TNS2: variants seen among roughly 807,000 people sequenced by gnomAD.
TNS2 encodes the protein tensin 2.
In TNS2, 77 loss-of-function variants were observed where a neutral mutation model predicts 155.7. That is an observed-to-expected ratio of 0.49 (90% CI 0.41 to 0.60). TNS2 has a LOEUF of 0.60. Among genes scored for constraint, TNS2 ranks in the 20% least tolerant of loss-of-function variants. The probability of loss-of-function intolerance (pLI) is 0.00; values close to 1 mark genes in which losing one functional copy is unlikely to be tolerated. For missense variants in TNS2, 1,703 were observed against 1,868.8 expected (o/e 0.91, Z 1.64); for synonymous variants, 726 against 763.9 (o/e 0.95, Z 0.82).
rs566978696 is a variant in TNS2, at chr12:53,060,334, G to A, written c.2618-71G>A. On this transcript the variant is annotated intron_variant, in intron 18 of 28. Coordinates refer to ENST00000314250, the MANE Select transcript of TNS2 (RefSeq NM_170754.4). This position sits in a 1 kb window ranked among gnomAD's most constrained non-coding sequence, Gnocchi z 6.1. ...ATGGTGGGGAAGTCAAGGGGGAACA[G>A]GGTGAGAAACAGCTAAGCCAGACAG... 3 of 1,573,134 alleles carry A rather than the reference G, an allele frequency of 1.9e-6. No individual in the cohort carries two copies. The East Asian group carries it at 6.8e-5, about 36-fold the overall frequency.
chr12:53,049,413 G>C (rs899427825), upstream of TNS2, among the ~76,000 whole-genome samples: 2 of 152,128 alleles, frequency 1.3e-5, no homozygotes, highest in Non-Finnish European at 2.9e-5. Context: ...AGAAACCTGG[G>C]GGCTTTCAGG....
chr12:53,054,525 G>A (rs1367229669), intron 7 of TNS2, 84 bp downstream of exon 7: 3 of 1,421,506 alleles, frequency 2.1e-6, no homozygotes, highest in East Asian at 2.6e-5. Flanking sequence ...CGTCACCAGC[G>A]GAGGCGAGGC....
chr12:53,061,644 A>G (rs1274353844), intron 21 of TNS2, 171 bp from the exon 22 acceptor site: 13 of 1,364,752 alleles, frequency 9.5e-6, no homozygotes, highest in South Asian at 4.2e-5. Flanking sequence ...GTGAGATCCA[A>G]CATGGTCAAA....
chr12:53,058,190 T>G lies in TNS2; in HGVS notation c.1095+88T>G, dbSNP rs767334312. Reference sequence around the variant, plus strand: ...GCACAGTCACCAATTTGAGACAGATTGGAGAGCGAGTAGGGAGATCACCTT... The same window carrying G: ...GCACAGTCACCAATTTGAGACAGATGGGAGAGCGAGTAGGGAGATCACCTT... On this transcript the variant is annotated intron_variant, in intron 14 of 28. Transcript: ENST00000314250. 8.3e-5 allele frequency: 134 copies of G among 1,609,624 alleles called. 1 individual carries two copies. The highest frequency in any genetic ancestry group is 7.1e-4 in the South Asian group (64 of 90,644).
At position 53,058,299 on chromosome 12, in the gene TNS2, T is replaced by C. The variant is rs1365500507; in HGVS notation, c.1096-17T>C. The C allele has an allele frequency of 1.9e-6, 3 of 1,613,588 alleles. No individual in the cohort carries two copies. The highest frequency in any genetic ancestry group is 2.7e-5 in the African/African-American group (2 of 74,918). On this transcript the variant is annotated splice_polypyrimidine_tract_variant and intron_variant, in intron 14 of 28. Transcript: ENST00000314250. ...AGGACATGAGGCCTGATCCGCAGCC[T>C]CCTGCCTTTCTCCCAGGTAACATGT... is the stretch of plus-strand genomic sequence containing the variant.
rs1332295970 is a variant in TNS2, at chr12:53,056,221, G to C, written c.761+376G>C. ...ATAAAAATATAAAAATTAGCCGGGCGTGGTGGTGGGCGCCTGTAATCCCAG... is the reference window on the plus strand; with the variant it reads ...ATAAAAATATAAAAATTAGCCGGGCCTGGTGGTGGGCGCCTGTAATCCCAG... On this transcript the variant is annotated intron_variant, in intron 10 of 28. Transcript: ENST00000314250. 3 of 171,176 alleles carry C rather than the reference G, an allele frequency of 1.8e-5. No homozygotes were observed. The Admixed American group carries it at 1.8e-4, about 10-fold the overall frequency. 10.6% of individuals were successfully genotyped at this position (171,176 alleles called of 1,614,324 possible).
chr12:53,058,995 TC>T, intron 17 of TNS2, 51 bp from the exon 18 acceptor site: 1 of 1,537,176 alleles, frequency 6.5e-7, no homozygotes, highest in South Asian at 1.2e-5. Context: ...ATTTTCTCTC[TC>T]CCTCCCTGTT....
rs1390429155 is a variant in TNS2, at chr12:53,058,606, T to C, written c.1260T>C (p.Phe420=). The C allele has an allele frequency of 2.5e-6, 4 of 1,614,034 alleles. No individual in the cohort carries two copies. The highest frequency in any genetic ancestry group is 3.4e-6 in the Non-Finnish European group (4 of 1,179,970). Reference sequence around the variant, plus strand: ...TCCCCTTCCAAGCCTCCGTGGAGTTTGTCTTCTCCTCCAGCCCCGAGAAGA... The same window carrying C: ...TCCCCTTCCAAGCCTCCGTGGAGTTCGTCTTCTCCTCCAGCCCCGAGAAGA... The part of the protein sequence containing the change: ...ERFPFQASVE[F]VFSSSPEKIK... The change falls in exon 16 of 29, where the codon TTT becomes TTC. Residue 420 remains phenylalanine (F), a synonymous_variant. Coordinates refer to ENST00000314250, the MANE Select transcript of TNS2 (RefSeq NM_170754.4).
chr12:53,055,537 G>A lies in TNS2; in HGVS notation c.574-31G>A, dbSNP rs7315980. ...CCATCTCTCTCTGTTGGTGGCCCCCGGCCCCAGTTGCACCCCTGCATTCTC... is the reference window on the plus strand; with the variant it reads ...CCATCTCTCTCTGTTGGTGGCCCCCAGCCCCAGTTGCACCCCTGCATTCTC... On this transcript the variant is annotated intron_variant, in intron 8 of 28. Coordinates refer to ENST00000314250, the MANE Select transcript of TNS2 (RefSeq NM_170754.4). The A allele has an allele frequency of 0.09, 141,162 of 1,572,572 alleles. 6,960 individuals are homozygous for A. The highest frequency in any genetic ancestry group is 0.16 in the African/African-American group (11,739 of 74,214).
At chr12:53,053,090 C>T in intron 3 of TNS2, 1 of 400,244 alleles carries the variant, frequency 2.5e-6, no homozygotes, top group East Asian at 5.8e-5. Context: ...GGCGGGGTCT[C>T]CCGGTGAAAG....
intron 17 of TNS2, 59 bp from the exon 18 acceptor site, chr12:53,058,988 T>C: frequency 6.5e-7 from 1 of 1,538,534 alleles, no homozygotes; most frequent in Non-Finnish European, 8.7e-7. Context: ...CTCATGAATT[T>C]TCTCTCTCCC....
At position 53,063,956 on chromosome 12, in the gene TNS2, G is replaced by A. The variant is rs552143278; in HGVS notation, c.*74G>A. The A allele has an allele frequency of 3.2e-6, 5 of 1,551,616 alleles. No homozygotes were observed. In the African/African-American group the frequency reaches 6.8e-5, roughly 21 times the overall value. Reference sequence around the variant, plus strand: ...CACCCCACAGCCCTCACATCCCCTGGCCTGGACCCAGGAGACCCAGGAGAA... The same window carrying A: ...CACCCCACAGCCCTCACATCCCCTGACCTGGACCCAGGAGACCCAGGAGAA... On this transcript the variant is annotated 3_prime_UTR_variant, in exon 29 of 29. Transcript: ENST00000314250. This position sits in a 1 kb window ranked among gnomAD's most constrained non-coding sequence, Gnocchi z 5.6.
Position 53,064,099 on chromosome 12 carries a change from G to C in TNS2, c.*217G>C, listed in dbSNP as rs1944470938. 5 of 569,626 alleles carry C rather than the reference G, an allele frequency of 8.8e-6. No individual in the cohort carries two copies. The Admixed American group carries it at 1.6e-4, about 18-fold the overall frequency. 35.3% of individuals were successfully genotyped at this position (569,626 alleles called of 1,614,324 possible). On this transcript the variant is annotated 3_prime_UTR_variant, in exon 29 of 29. Coordinates refer to ENST00000314250, the MANE Select transcript of TNS2 (RefSeq NM_170754.4). ...CACAAGATGACCTTGCATGTGAGCA[G>C]ATGGCAGAGATGGGTGTGTGAGGGG...
intron 21 of TNS2, 94 bp downstream of exon 21, chr12:53,061,563 T>C: frequency 6.9e-7 from 1 of 1,439,776 alleles, no homozygotes; most frequent in Non-Finnish European, 9.7e-7. Context: ...TCTTGGCTCC[T>C]CCTGTCTGAG....
At position 53,056,995 on chromosome 12, in the gene TNS2, T is replaced by C; in HGVS notation, c.762-18T>C. 1 of 1,611,028 alleles carries C rather than the reference T, an allele frequency of 6.2e-7. No individual in the cohort carries two copies. The highest frequency in any genetic ancestry group is 8.5e-7 in the Non-Finnish European group (1 of 1,178,736). On this transcript the variant is annotated intron_variant, in intron 10 of 28. Coordinates refer to ENST00000314250, the MANE Select transcript of TNS2 (RefSeq NM_170754.4). ...AAGATTAATCCCTAATCCCCAACAC[T>C]GGCCTTGCTATCCCCAGGGCGGACC...
chr12:53,055,915 A>G lies in TNS2; in HGVS notation c.761+70A>G, dbSNP rs1479148305. ...TCTCCAGCTGGCCCCTTAGGAACCC[A>G]TCTCCCCTGGAGCCCACCTCTTCGT... On this transcript the variant is annotated intron_variant, in intron 10 of 28. Coordinates refer to ENST00000314250, the MANE Select transcript of TNS2 (RefSeq NM_170754.4). 6 of 1,522,660 alleles carry G rather than the reference A, an allele frequency of 3.9e-6. No individual in the cohort carries two copies. The East Asian group carries it at 9.0e-5, about 23-fold the overall frequency. 94.3% of individuals were successfully genotyped at this position (1,522,660 alleles called of 1,614,324 possible). A position where few individuals can be genotyped will look rare whatever the true frequency, so the allele number is the denominator to read the frequency against.
rs771805733 is a variant in TNS2, at chr12:53,061,284, G to A, written c.3358+20G>A. The stretch of plus-strand genomic sequence containing the variant: ...CCCCAGGTATAAAGGCCTTGAGGGG[G>A]TTGGTGCCACCTTGAGAGAACCCTT... On this transcript the variant is annotated intron_variant, in intron 20 of 28. Coordinates refer to ENST00000314250, the MANE Select transcript of TNS2 (RefSeq NM_170754.4). The A allele has an allele frequency of 6.3e-7, 1 of 1,597,022 alleles. No individual in the cohort carries two copies. Among genetic ancestry groups the A allele is most frequent in the Non-Finnish European group, 8.5e-7 (1 of 1,171,162 alleles).
At position 53,060,181 on chromosome 12, in the gene TNS2, A is replaced by C. The variant is rs200067123; in HGVS notation, c.2540A>C (p.Glu847Ala). 1.8e-4 allele frequency: 290 copies of C among 1,601,278 alleles called. 1 individual carries two copies. The highest frequency in any genetic ancestry group is 2.4e-4 in the Non-Finnish European group (279 of 1,173,480). ...CCACAATCTAGGAAGCTGAGCTACGAGATCCCTACGGAGGAGGGAGGGGAC... is the reference window on the plus strand; with the variant it reads ...CCACAATCTAGGAAGCTGAGCTACGCGATCCCTACGGAGGAGGGAGGGGAC... ...PYPQSRKLSY[E>A]IPTEEGGDRY... The change falls in exon 18 of 29, where the codon GAG (glutamate) becomes GCG (alanine). Residue 847 changes from glutamate to alanine, a missense_variant. Glu to Ala is a moderately radical substitution (Grantham distance 107). Transcript: ENST00000314250. The surrounding 1 kb of genome is among the most constrained non-coding windows in gnomAD (Gnocchi z 6.1).
intron 14 of TNS2, 47 bp downstream of exon 14, chr12:53,058,149 GGT>G (rs769224864): frequency 6.2e-7 from 1 of 1,613,302 alleles, no homozygotes; most frequent in African/African-American, 1.3e-5. Flanking sequence ...ATGGGGCAGG[GGT>G]TGGTGGTGTA....
Sources: gnomAD v4.1 joint callset for allele counts (sites outside exome capture counted in the v4.1 genomes callset) on GRCh38, gnomAD v4.1.1 for gene constraint, Gnocchi (gnomAD v3.1) non-coding constraint, MANE v1.5 for transcripts, NCBI Gene and HGNC (gene_info 2026-07-23, HGNC 2026-07-21) for gene names.